Variants in MTCL2 observed in about 807,000 individuals in gnomAD.
MTCL2 encodes microtubule crosslinking factor 2, also known as microtubule cross-linking factor 2.
the MTCL2 span, among the ~76,000 whole-genome samples, chr20:36,853,156 T>C: frequency 1.3e-5 from 2 of 151,628 alleles, no homozygotes; most frequent in African/African-American, 4.8e-5. Context: ...ACACAGAGGC[T>C]GCCTGGCCCT....
At chr20:36,802,921 G>C in the MTCL2 span, 1 of 1,571,466 alleles carries the variant, frequency 6.4e-7, no homozygotes, top group East Asian at 2.4e-5. Flanking sequence ...CCCTGCAGCC[G>C]CTCCACCAGC....
the MTCL2 span, chr20:36,828,786 ACT>A: frequency 4.3e-5 from 17 of 399,898 alleles, no homozygotes; most frequent in South Asian, 9.3e-5. Context: ...TTGATGAATG[ACT>A]CTCTCTCTCA....
At chr20:36,809,446 A>G in the MTCL2 span, among the ~76,000 whole-genome samples, 12 of 152,172 alleles carry the variant, frequency 7.9e-5, no homozygotes, top group African/African-American at 2.9e-4. Flanking sequence ...GAGAGAAAAC[A>G]GGACTGGCCC....
chr20:36,829,971 C>G, the MTCL2 span, among the ~76,000 whole-genome samples: 1 of 152,012 alleles, frequency 6.6e-6, no homozygotes, highest in Non-Finnish European at 1.5e-5. Flanking sequence ...TGCACTCCAG[C>G]CTGGGCAATA....
the MTCL2 span, chr20:36,785,874 A>G: frequency 2.0e-6 from 2 of 985,920 alleles, no homozygotes; most frequent in Non-Finnish European, 2.4e-6. Flanking sequence ...GACACTAAGC[A>G]ATGGCCCTGG....
chr20:36,859,634 C>G, the MTCL2 span: 80 of 1,231,746 alleles, frequency 6.5e-5, 1 homozygote, highest in East Asian at 1.9e-3. Context: ...TTTATGCTTT[C>G]CTCACTTGGA....
the MTCL2 span, among the ~76,000 whole-genome samples, chr20:36,821,041 T>C: frequency 1.3e-5 from 2 of 152,342 alleles, no homozygotes; most frequent in Non-Finnish European, 2.9e-5. Context: ...CAAAGTTGCA[T>C]GGTTCAACAT....
chr20:36,804,618 A>T, the MTCL2 span: 1 of 1,375,804 alleles, frequency 7.3e-7, no homozygotes, highest in Admixed American at 2.0e-5. Flanking sequence ...GCCACAGGTG[A>T]AGCAACGGCA....
the MTCL2 span, among the ~76,000 whole-genome samples, chr20:36,787,347 C>T: frequency 6.6e-6 from 1 of 152,026 alleles, no homozygotes; most frequent in African/African-American, 2.4e-5. Flanking sequence ...TGTGCCTCAG[C>T]CTCCCAAGTA....
chr20:36,839,449 G>C, the MTCL2 span: 1 of 1,611,902 alleles, frequency 6.2e-7, no homozygotes, highest in Non-Finnish European at 8.5e-7. The surrounding 1 kb of genome is among the most constrained non-coding windows in gnomAD (Gnocchi z 5.1). Flanking sequence ...GTCCTGCGGA[G>C]GGAAGGAAGA....
chr20:36,861,653 G>A, the MTCL2 span, among the ~76,000 whole-genome samples: 2 of 152,234 alleles, frequency 1.3e-5, no homozygotes, highest in African/African-American at 4.8e-5. Context: ...ACTGACAAGA[G>A]TCGGCAACAT....
At chr20:36,787,500 G>C in the MTCL2 span, among the ~76,000 whole-genome samples, 1 of 152,124 alleles carries the variant, frequency 6.6e-6, no homozygotes, top group Non-Finnish European at 1.5e-5. Flanking sequence ...TGGGATTGCA[G>C]GTGTGAGCCA....
At chr20:36,856,732 GAAGT>G in the MTCL2 span, among the ~76,000 whole-genome samples, 7 of 152,264 alleles carry the variant, frequency 4.6e-5, no homozygotes, top group African/African-American at 1.2e-4. Flanking sequence ...CAGCCTTGTA[GAAGT>G]AAGTCTAGTG....
At chr20:36,786,514 C>T in the MTCL2 span, 2 of 1,549,350 alleles carry the variant, frequency 1.3e-6, no homozygotes, top group Middle Eastern at 3.5e-4. Flanking sequence ...GCCCTCTCCT[C>T]CCCACCCCAG....
chr20:36,834,984 G>GA, the MTCL2 span, among the ~76,000 whole-genome samples: 1 of 151,382 alleles, frequency 6.6e-6, no homozygotes, highest in Non-Finnish European at 1.5e-5. Flanking sequence ...GACAGAGTGA[G>GA]ACCCTGCCTT....
the MTCL2 span, among the ~76,000 whole-genome samples, chr20:36,827,351 A>AC: frequency 0.013 from 1,311 of 98,612 alleles, 25 homozygotes; most frequent in African/African-American, 0.046. Context: ...CTGTGCCTGG[A>AC]CCCCCCTTTT....
At chr20:36,839,675 CAGA>C in the MTCL2 span, among the ~76,000 whole-genome samples, 1 of 152,168 alleles carries the variant, frequency 6.6e-6, no homozygotes, top group East Asian at 1.9e-4. This position sits in a 1 kb window ranked among gnomAD's most constrained non-coding sequence, Gnocchi z 5.1. Context: ...GACAGGGAAA[CAGA>C]AGCAGAGGCT....
chr20:36,852,517 C>T, the MTCL2 span, among the ~76,000 whole-genome samples: 1 of 152,214 alleles, frequency 6.6e-6, no homozygotes. Context: ...CCGCAGAGCT[C>T]CACTTCTCAG....
the MTCL2 span, among the ~76,000 whole-genome samples, chr20:36,814,776 A>T: frequency 6.6e-6 from 1 of 152,220 alleles, no homozygotes; most frequent in African/African-American, 2.4e-5. Context: ...AATCCTGGCT[A>T]CTTGGGAGGC....
Sources: allele counts gnomAD v4.1 joint callset (sites outside exome capture counted in the v4.1 genomes callset), GRCh38; gene constraint gnomAD v4.1.1; non-coding constraint Gnocchi (gnomAD v3.1); transcripts MANE v1.5; gene names NCBI Gene and HGNC (gene_info 2026-07-23, HGNC 2026-07-21).